MLLT3: variants seen among roughly 807,000 people sequenced by gnomAD.
MLLT3 encodes protein AF-9.
MLLT3 carries 4 observed loss-of-function variants against 53.2 expected under a neutral mutation model. The ratio of observed to expected loss-of-function variants is 0.08; its 90% CI spans 0.04 to 0.17. The LOEUF (loss-of-function observed/expected upper bound fraction) is 0.17. MLLT3 is among the 10% of genes least tolerant of loss of function. The pLI is 1.00. For synonymous variants in MLLT3, 283 were observed against 230.6 expected (o/e 1.23, Z -2.06); for missense variants, 569 against 684.0 (o/e 0.83, Z 1.87).
At chr9:20,530,532 C>A (rs1406886122) in intron 2 of MLLT3, among the ~76,000 whole-genome samples, 1 of 152,174 alleles carries the variant, frequency 6.6e-6, no homozygotes, top group African/African-American at 2.4e-5. Flanking sequence ...TATTCAGCAA[C>A]TTCCCTTCAA....
chr9:20,606,477 G>T (rs944403596), intron 2 of MLLT3, among the ~76,000 whole-genome samples: 5 of 152,076 alleles, frequency 3.3e-5, no homozygotes, highest in African/African-American at 1.2e-4. Context: ...CTCAATTTCA[G>T]AGAGAATTAC....
rs1820791329 is a variant in MLLT3, at chr9:20,343,475, T to C, written c.*2968A>G. On this transcript the variant is annotated 3_prime_UTR_variant, in exon 11 of 11. Coordinates refer to ENST00000380338, the MANE Select transcript of MLLT3 (RefSeq NM_004529.4). Reference sequence around the variant, plus strand: ...ATTATGCTGAGGATGGTGAAGTAACTGCAAAATATTGTTGCTAACATGACT... The same window carrying C: ...ATTATGCTGAGGATGGTGAAGTAACCGCAAAATATTGTTGCTAACATGACT... The C allele has an allele frequency of 1.3e-5, 3 of 225,400 alleles. No homozygotes were observed. Among genetic ancestry groups the C allele is most frequent in the Middle Eastern group, 2.7e-3 (2 of 754 alleles). The allele number at this position is 225,400 out of a possible 1,614,324, so 14.0% of individuals were successfully genotyped here. A position where few individuals can be genotyped will look rare whatever the true frequency, so the allele number is the denominator to read the frequency against.
At chr9:20,368,671 C>T (rs1391713462) in intron 5 of MLLT3, among the ~76,000 whole-genome samples, 1 of 152,174 alleles carries the variant, frequency 6.6e-6, no homozygotes, top group Admixed American at 6.5e-5. Context: ...AATAATTCCA[C>T]AGTTGCTGAT....
chr9:20,399,447 C>G (rs1219475233), intron 5 of MLLT3, among the ~76,000 whole-genome samples: 1 of 152,082 alleles, frequency 6.6e-6, no homozygotes, highest in Non-Finnish European at 1.5e-5. Flanking sequence ...AAATAGTCCA[C>G]TGGTCAGGAG....
intron 2 of MLLT3, among the ~76,000 whole-genome samples, chr9:20,474,597 A>T (rs1482461932): frequency 6.6e-6 from 1 of 151,756 alleles, no homozygotes; most frequent in African/African-American, 2.4e-5. Flanking sequence ...ATTCCATCCT[A>T]ATTTGTTTTT....
chr9:20,583,480 C>T (rs1266363118), intron 2 of MLLT3, among the ~76,000 whole-genome samples: 2 of 152,210 alleles, frequency 1.3e-5, no homozygotes, highest in Non-Finnish European at 2.9e-5. Context: ...CCACATTTCT[C>T]TTCCACACTG....
intron 5 of MLLT3, among the ~76,000 whole-genome samples, chr9:20,377,729 T>C (rs1315516399): frequency 1.3e-5 from 2 of 152,176 alleles, no homozygotes; most frequent in Non-Finnish European, 2.9e-5. Context: ...ATGTGAAACC[T>C]GGATTTACTA....
At chr9:20,528,034 T>A (rs1013534105) in intron 2 of MLLT3, among the ~76,000 whole-genome samples, 3 of 152,262 alleles carry the variant, frequency 2.0e-5, no homozygotes, top group Non-Finnish European at 1.5e-5. Context: ...CCTAATTATC[T>A]GTAACGTTTT....
chr9:20,474,561 G>C (rs1303632704), intron 2 of MLLT3, among the ~76,000 whole-genome samples: 1 of 151,918 alleles, frequency 6.6e-6, no homozygotes, highest in Admixed American at 6.6e-5. Context: ...CCTTCATTCG[G>C]CGGAGACCCT....
At chr9:20,399,345 T>C (rs982409347) in intron 5 of MLLT3, among the ~76,000 whole-genome samples, 1 of 152,146 alleles carries the variant, frequency 6.6e-6, no homozygotes, top group Non-Finnish European at 1.5e-5. Flanking sequence ...CTTTGCACTA[T>C]TAAACTCAAT....
chr9:20,360,207 C>A (rs1371446526), intron 8 of MLLT3, among the ~76,000 whole-genome samples: 2 of 152,204 alleles, frequency 1.3e-5, no homozygotes, highest in African/African-American at 4.8e-5. Context: ...TAATAATAAA[C>A]TACCATCAAC....
intron 2 of MLLT3, among the ~76,000 whole-genome samples, chr9:20,565,954 TTATATATATATATTTA>T (rs1424332520): frequency 1.5e-3 from 51 of 34,640 alleles, no homozygotes; most frequent in South Asian, 6.0e-3. Flanking sequence ...ATATATATAT[TTATATATATATATTTA>T]TATATATATA....
intron 2 of MLLT3, chr9:20,502,343 A>G (rs1009904923): frequency 6.5e-6 from 1 of 153,776 alleles, no homozygotes; most frequent in Non-Finnish European, 1.5e-5. Context: ...AGGTAGGCAA[A>G]TGCCAGCCTG....
rs116641328 is a variant in MLLT3, at chr9:20,550,180, T to A, written c.193+70474A>T. 4.4e-3 allele frequency among the ~76,000 whole-genome samples: 664 copies of A among 152,310 alleles called. 4 individuals carry two copies. The highest frequency in any genetic ancestry group is 0.014 in the African/African-American group (580 of 41,568). ...ACAAGGTTGATAATGAATTGCCAACTATTTCTAGTTTCTCTACTCTTACTT... is the reference window on the plus strand; with the variant it reads ...ACAAGGTTGATAATGAATTGCCAACAATTTCTAGTTTCTCTACTCTTACTT... On this transcript the variant is annotated intron_variant, in intron 2 of 10. Transcript: ENST00000380338.
chr9:20,494,914 T>A (rs916224463), intron 2 of MLLT3, among the ~76,000 whole-genome samples: 3 of 152,218 alleles, frequency 2.0e-5, no homozygotes, highest in African/African-American at 7.2e-5. Flanking sequence ...ATAGTTGTAC[T>A]ATACATATAT....
chr9:20,414,470 C>A, intron 4 of MLLT3, 45 bp from the exon 5 acceptor site: 1 of 1,593,212 alleles, frequency 6.3e-7, no homozygotes. Flanking sequence ...AACTAAATAG[C>A]AATGAAGAGT....
chr9:20,615,943 C>T (rs2780848), intron 2 of MLLT3, among the ~76,000 whole-genome samples: 124,216 of 150,602 alleles, frequency 0.82, 51,704 homozygotes, highest in African/African-American at 0.93. Context: ...AGAAAATGTT[C>T]ATTTTTCATT....
intron 2 of MLLT3, among the ~76,000 whole-genome samples, chr9:20,567,638 C>T (rs1219270090): frequency 6.6e-6 from 1 of 152,148 alleles, no homozygotes; most frequent in Non-Finnish European, 1.5e-5. Flanking sequence ...ACAACTTGGT[C>T]AACAGCCCTG....
intron 2 of MLLT3, among the ~76,000 whole-genome samples, chr9:20,481,453 G>A (rs528581920): frequency 5.9e-5 from 9 of 152,154 alleles, no homozygotes; most frequent in South Asian, 2.1e-4. Flanking sequence ...GCTCCATATC[G>A]CAAGTCCCAC....
Sources: gnomAD v4.1 joint callset for allele counts (sites outside exome capture counted in the v4.1 genomes callset) on GRCh38, gnomAD v4.1.1 for gene constraint, MANE v1.5 for transcripts, NCBI Gene and HGNC (gene_info 2026-07-23, HGNC 2026-07-21) for gene names.